The following SRPK2 variants were observed in gnomAD, a reference collection of about 807,000 sequenced individuals.
SRPK2 encodes the protein SFRS protein kinase 2.
SRPK2 carries 21 observed loss-of-function variants against 90.8 expected under a neutral mutation model. The observed-to-expected ratio is 0.23, with a 90% confidence interval of 0.16 to 0.33. The LOEUF is 0.33. SRPK2 is among the 10% of genes least tolerant of loss of function. The pLI is 1.00. For synonymous variants in SRPK2, 288 were observed against 311.1 expected, an observed-to-expected ratio of 0.93 and a Z score of 0.78; for missense variants, 620 against 869.0, an observed-to-expected ratio of 0.71 and a Z score of 3.60.
intron 2 of SRPK2, among the ~76,000 whole-genome samples, chr7:105,309,311 A>G (rs532256220): frequency 1.1e-4 from 16 of 152,246 alleles, no homozygotes; most frequent in African/African-American, 3.8e-4. Context: ...ATTTTTCTTT[A>G]AGGAATCTAC....
intron 2 of SRPK2, among the ~76,000 whole-genome samples, chr7:105,359,881 A>G (rs773296982): frequency 1.6e-4 from 25 of 152,140 alleles, no homozygotes; most frequent in Non-Finnish European, 3.5e-4. Flanking sequence ...AATTTTGTAG[A>G]TATCTATTAG....
chr7:105,214,826 C>A (rs898337686), intron 2 of SRPK2, among the ~76,000 whole-genome samples: 1 of 152,144 alleles, frequency 6.6e-6, no homozygotes, highest in Admixed American at 6.5e-5. Flanking sequence ...AGCTTCTTTG[C>A]TGAATTTGAC....
At chr7:105,244,827 A>G (rs1250153393) in intron 2 of SRPK2, 2 of 976,330 alleles carry the variant, frequency 2.0e-6, no homozygotes, top group Non-Finnish European at 3.3e-6. Flanking sequence ...CACGCCAAGG[A>G]GTTACTGAAA....
At chr7:105,259,581 A>C (rs1427366954) in intron 2 of SRPK2, among the ~76,000 whole-genome samples, 3 of 152,220 alleles carry the variant, frequency 2.0e-5, no homozygotes, top group African/African-American at 7.2e-5. Context: ...TTGCCAAGAA[A>C]ATCCTAAGCA....
At chr7:105,232,880 G>C (rs916118518) in intron 2 of SRPK2, among the ~76,000 whole-genome samples, 3 of 152,070 alleles carry the variant, frequency 2.0e-5, no homozygotes, top group Non-Finnish European at 4.4e-5. Flanking sequence ...GGGTGTGGTG[G>C]CGGGTGCCTG....
At chr7:105,207,713 CAT>C (rs1467178917) in intron 2 of SRPK2, among the ~76,000 whole-genome samples, 6 of 152,144 alleles carry the variant, frequency 3.9e-5, no homozygotes, top group Admixed American at 2.0e-4. Flanking sequence ...AGGAAAAAAA[CAT>C]AGGAGTAAAT....
rs538291658 is a variant in SRPK2, at chr7:105,186,998, G to A, written c.229+16630C>T. Among the ~76,000 whole-genome samples, 6 of 152,302 alleles carry A rather than the reference G, an allele frequency of 3.9e-5. No individual in the cohort carries two copies. The South Asian group carries it at 1.0e-3, about 26-fold the overall frequency. On this transcript the variant is annotated intron_variant, in intron 3 of 15. Coordinates refer to ENST00000393651, the MANE Select transcript of SRPK2 (RefSeq NM_182692.3). ...AGCCATGAAGCCACATCAAGCCCTTGAGATGTCTCAGTTGAGGCCCCAGAT... is the reference window on the plus strand; with the variant it reads ...AGCCATGAAGCCACATCAAGCCCTTAAGATGTCTCAGTTGAGGCCCCAGAT...
chr7:105,245,027 CA>C (rs1801414293), intron 2 of SRPK2: 2 of 547,010 alleles, frequency 3.7e-6, no homozygotes, highest in Admixed American at 2.8e-5. Context: ...AAAAACAAAA[CA>C]AAACAAACAC....
At chr7:105,143,619 C>T (rs1047648082) in intron 9 of SRPK2, 9 of 358,396 alleles carry the variant, frequency 2.5e-5, no homozygotes, top group East Asian at 5.5e-5. Flanking sequence ...AACTGAAGTT[C>T]GAAATTCTCT....
intron 2 of SRPK2, among the ~76,000 whole-genome samples, chr7:105,287,139 T>C (rs7789569): frequency 0.6 from 88,527 of 147,510 alleles, 27,400 homozygotes; most frequent in South Asian, 0.75. Flanking sequence ...CGGGCGCCTG[T>C]AGTCCCAGCT....
intron 7 of SRPK2, among the ~76,000 whole-genome samples, chr7:105,158,066 A>G (rs1057168004): frequency 8.5e-5 from 13 of 152,158 alleles, no homozygotes; most frequent in Non-Finnish European, 1.6e-4. Context: ...CCCTGTCTCA[A>G]AAAACAAAAA....
chr7:105,170,855 GAAAGAAAGAA>G (rs1790818361), intron 3 of SRPK2, among the ~76,000 whole-genome samples: 1 of 36,372 alleles, frequency 2.7e-5, no homozygotes, highest in African/African-American at 7.7e-5. Context: ...AAGAAAGAAA[GAAAGAAAGAA>G]AGAAAGAAAG....
chr7:105,347,717 C>G (rs1816636292), intron 2 of SRPK2, among the ~76,000 whole-genome samples: 1 of 151,838 alleles, frequency 6.6e-6, no homozygotes, highest in African/African-American at 2.4e-5. Context: ...ATTAGCCAGG[C>G]ATGGTGGCAC....
At chr7:105,204,339 G>A (rs993341834) in intron 2 of SRPK2, among the ~76,000 whole-genome samples, 1 of 152,210 alleles carries the variant, frequency 6.6e-6, no homozygotes, top group Admixed American at 6.5e-5. Flanking sequence ...TTGCCAGAAA[G>A]ATTCTTGTAC....
intron 3 of SRPK2, among the ~76,000 whole-genome samples, chr7:105,196,138 T>A (rs1480850829): frequency 6.6e-6 from 1 of 152,230 alleles, no homozygotes. Context: ...TTGGTCTCCA[T>A]AAAAGAAATG....
intron 3 of SRPK2, among the ~76,000 whole-genome samples, chr7:105,169,563 C>T (rs923964876): frequency 1.3e-5 from 2 of 151,974 alleles, no homozygotes; most frequent in African/African-American, 2.4e-5. Context: ...CCAGTCTCTA[C>T]GAAAAATACA....
At chr7:105,320,964 A>G (rs908549997) in intron 2 of SRPK2, among the ~76,000 whole-genome samples, 1 of 152,018 alleles carries the variant, frequency 6.6e-6, no homozygotes, top group Non-Finnish European at 1.5e-5. Flanking sequence ...CTGAGTAGGT[A>G]GGACTACAGG....
chr7:105,142,516 T>C lies in SRPK2; in HGVS notation c.1061-26A>G, dbSNP rs750537443. The C allele has an allele frequency of 5.7e-6, 9 of 1,578,230 alleles. No homozygotes were observed. The South Asian group carries it at 6.0e-5, about 10-fold the overall frequency. The stretch of plus-strand genomic sequence containing the variant: ...CTTAAGAATTTGATGGGTCAAGAAT[T>C]AGAACTTGTTACTCTCCTTAATACA... On this transcript the variant is annotated intron_variant, in intron 10 of 15. Transcript: ENST00000393651.
chr7:105,167,921 T>C (rs1305223550), intron 5 of SRPK2, 87 bp downstream of exon 5: 41 of 1,194,928 alleles, frequency 3.4e-5, no homozygotes, highest in Non-Finnish European at 4.5e-5. Context: ...AAACTTGACT[T>C]TAATTTAGTA....
Sources: allele counts gnomAD v4.1 joint callset (sites outside exome capture counted in the v4.1 genomes callset), GRCh38; gene constraint gnomAD v4.1.1; transcripts MANE v1.5; gene names NCBI Gene and HGNC (gene_info 2026-07-23, HGNC 2026-07-21).